Variants in NOD1 observed in about 807,000 individuals in gnomAD.
NOD1 encodes the protein nucleotide-binding oligomerization domain-containing protein 1.
A neutral mutation model predicts 81.2 loss-of-function variants in NOD1; 70 were observed. The observed-to-expected ratio is 0.86, with a 90% CI of 0.71 to 1.05. NOD1 has a LOEUF of 1.05. NOD1 is among the 50% of genes least tolerant of loss of function. The pLI is 0.00. For missense variants in NOD1, 1,233 were observed against 1,228.0 expected, an observed-to-expected ratio of 1.00 and a Z score of -0.06; for synonymous variants, 508 against 526.9, an observed-to-expected ratio of 0.96 and a Z score of 0.49.
intron 12 of NOD1, among the ~76,000 whole-genome samples, chr7:30,432,588 G>C (rs1784041410): frequency 2.0e-5 from 3 of 152,240 alleles, no homozygotes; most frequent in South Asian, 4.1e-4. Flanking sequence ...CTATTCCCAG[G>C]TATATTCCCA....
chr7:30,453,333 T>C (rs890519011), intron 5 of NOD1, among the ~76,000 whole-genome samples: 1 of 152,032 alleles, frequency 6.6e-6, no homozygotes, highest in Non-Finnish European at 1.5e-5. Flanking sequence ...CCCTTATTCC[T>C]CCGCACAGTG....
At chr7:30,474,664 C>T (rs1329183031) in intron 1 of NOD1, among the ~76,000 whole-genome samples, 1 of 152,242 alleles carries the variant, frequency 6.6e-6, no homozygotes, top group African/African-American at 2.4e-5. Context: ...GTAATGCTTG[C>T]TCACTGCTGC....
At chr7:30,431,609 G>C (rs908134524) in intron 12 of NOD1, among the ~76,000 whole-genome samples, 6 of 152,186 alleles carry the variant, frequency 3.9e-5, no homozygotes, top group African/African-American at 1.4e-4. Flanking sequence ...AAGAGAATGA[G>C]GTTAACCCTC....
rs764483548 is a variant in NOD1, at chr7:30,435,978, G to A, written c.2621+20C>T. The A allele has an allele frequency of 6.3e-7, 1 of 1,597,298 alleles. No individual in the cohort carries two copies. The highest frequency in any genetic ancestry group is 8.6e-7 in the Non-Finnish European group (1 of 1,164,798). ...ATCACAGAAAAACAAACAAACAAAT[G>A]AAATGACTCGAGCTATTACCACAGT... On this transcript the variant is annotated intron_variant, in intron 11 of 13. Transcript: ENST00000222823.
rs566615551 is a variant in NOD1, at chr7:30,470,392, G to C, written c.-352+8214C>G. 5.3e-5 allele frequency among the ~76,000 whole-genome samples: 8 copies of C among 152,364 alleles called. No individual in the cohort carries two copies. The South Asian group carries it at 1.7e-3, about 32-fold the overall frequency. On this transcript the variant is annotated intron_variant, in intron 1 of 13. Transcript: ENST00000222823. ...ACAAGGGAGGGCGACCATCTGGTGA[G>C]TCACCGTATCTCCAGCACATAGAGG...
chr7:30,426,813 C>G (rs906730254), intron 13 of NOD1, among the ~76,000 whole-genome samples: 8 of 152,070 alleles, frequency 5.3e-5, no homozygotes, highest in African/African-American at 1.9e-4. Context: ...TGCCCCAGAC[C>G]CTTTGCACAT....
chr7:30,472,455 G>A (rs1325351254), intron 1 of NOD1, among the ~76,000 whole-genome samples: 1 of 152,206 alleles, frequency 6.6e-6, no homozygotes, highest in African/African-American at 2.4e-5. Context: ...CTGATCTCCT[G>A]TCTCATGACA....
At chr7:30,435,297 G>A (rs376797118) in intron 11 of NOD1, among the ~76,000 whole-genome samples, 1 of 152,188 alleles carries the variant, frequency 6.6e-6, no homozygotes, top group South Asian at 2.1e-4. Flanking sequence ...GAAGACCTGG[G>A]GAAGGAGGAG....
intron 8 of NOD1, 121 bp from the exon 9 acceptor site, chr7:30,446,345 G>C (rs1785081812): frequency 2.6e-6 from 2 of 774,370 alleles, no homozygotes; most frequent in Non-Finnish European, 4.5e-6. Context: ...CTTTCTTCTG[G>C]GATCCACAAG....
chr7:30,478,201 C>G lies in NOD1; in HGVS notation c.-352+405G>C, dbSNP rs754740070. 6.6e-6 allele frequency among the ~76,000 whole-genome samples: 1 copy of G among 152,158 alleles called. No individual in the cohort carries two copies. Among genetic ancestry groups the G allele is most frequent in the Admixed American group, 6.5e-5 (1 of 15,270 alleles). ...GCCCTTCCAGCCTTTGCCACAAACC[C>G]TCGAACGCTGGCTGCACACTGGAAT... On this transcript the variant is annotated intron_variant, in intron 1 of 13. Transcript: ENST00000222823. The surrounding 1 kb of genome is among the most constrained non-coding windows in gnomAD (Gnocchi z 4.1).
Position 30,455,112 on chromosome 7 carries a change from C to T in NOD1, c.376+25G>A, listed in dbSNP as rs762594116. On this transcript the variant is annotated intron_variant, in intron 5 of 13. Coordinates refer to ENST00000222823, the MANE Select transcript of NOD1 (RefSeq NM_006092.4). Reference sequence around the variant, plus strand: ...AGGGCCCTGCTTGCACTGGTGCCTGCGGTCTTGCTGGGGCTGACTCCTACC... The same window carrying T: ...AGGGCCCTGCTTGCACTGGTGCCTGTGGTCTTGCTGGGGCTGACTCCTACC... 33 of 1,607,824 alleles carry T rather than the reference C, an allele frequency of 2.1e-5. No homozygotes were observed. The East Asian group carries it at 3.1e-4, about 15-fold the overall frequency.
Position 30,452,328 on chromosome 7 carries a change from C to T in NOD1, c.1089G>A (p.Arg363=), listed in dbSNP as rs572127302. 65 of 1,613,450 alleles carry T rather than the reference C, an allele frequency of 4.0e-5. No homozygotes were observed. Among genetic ancestry groups the T allele is most frequent in the Admixed American group, 1.5e-4 (9 of 60,032 alleles). The part of the protein sequence containing the change: ...SPSHLRAYAR[R]MFPERALQDR... Reference sequence around the variant, plus strand: ...CCTGCAGGGCCCGCTCGGGGAACATCCTCCTGGCATAGGCGCGCAGGTGGC... The same window carrying T: ...CCTGCAGGGCCCGCTCGGGGAACATTCTCCTGGCATAGGCGCGCAGGTGGC... The change falls in exon 6 of 14, where the codon AGG becomes AGA. Residue 363 remains arginine, a synonymous_variant. Transcript: ENST00000222823.
At chr7:30,432,943 G>T (rs1784068483) in intron 12 of NOD1, among the ~76,000 whole-genome samples, 153 bp downstream of exon 12, 1 of 152,162 alleles carries the variant, frequency 6.6e-6, no homozygotes, top group African/African-American at 2.4e-5. Context: ...GGGAGGAGGA[G>T]TGAAAATGTT....
rs1783329878 is a variant in NOD1 at position 30,425,038 on chromosome 7, CTTGACA to C, written c.*594_*599del. The C allele has an allele frequency of 1.3e-5, 2 of 152,584 alleles. No individual in the cohort carries two copies. The highest frequency in any genetic ancestry group is 6.5e-5 in the Admixed American group (1 of 15,304). The allele number at this position is 152,584 out of a possible 1,614,324, so 9.5% of individuals were successfully genotyped here. ...TTAAAAGCCCGTGGTGCATCCTTTC[CTTGACA>C]TTAACTTTCCACAAAACCTTGGAGG... On this transcript the variant is annotated 3_prime_UTR_variant, in exon 14 of 14. Transcript: ENST00000222823.
chr7:30,468,047 T>C (rs1407956037), intron 1 of NOD1, among the ~76,000 whole-genome samples: 1 of 152,160 alleles, frequency 6.6e-6, no homozygotes, highest in Admixed American at 6.5e-5. Flanking sequence ...CTTAGGGTAT[T>C]ACCATTAAGC....
chr7:30,433,616 C>G (rs1341198887), intron 11 of NOD1, among the ~76,000 whole-genome samples: 1 of 152,166 alleles, frequency 6.6e-6, no homozygotes, highest in Non-Finnish European at 1.5e-5. Flanking sequence ...AAAATGTGTT[C>G]AGTACTTTGC....
chr7:30,462,813 G>A (rs1055308230), intron 1 of NOD1, among the ~76,000 whole-genome samples: 2 of 152,026 alleles, frequency 1.3e-5, no homozygotes, highest in African/African-American at 2.4e-5. Flanking sequence ...GCAGGGCATC[G>A]TGGTGCACAC....
intron 1 of NOD1, among the ~76,000 whole-genome samples, chr7:30,476,233 T>C (rs1305790917): frequency 1.3e-5 from 2 of 152,252 alleles, no homozygotes; most frequent in Non-Finnish European, 2.9e-5. Context: ...ACTTTGATAG[T>C]CTTGTGTAAG....
rs1053993841 is a variant in NOD1 at position 30,478,780 on chromosome 7, G to A, written c.-526C>T. The A allele has an allele frequency of 1.3e-5, 2 of 152,234 alleles. No homozygotes were observed. The highest frequency in any genetic ancestry group is 2.9e-5 in the Non-Finnish European group (2 of 68,040). The allele number at this position is 152,234 out of a possible 1,614,324, so 9.4% of individuals were successfully genotyped here. A position where few individuals can be genotyped will look rare whatever the true frequency, so the allele number is the denominator to read the frequency against. On this transcript the variant is annotated 5_prime_UTR_variant, in exon 1 of 14. Transcript: ENST00000222823. This position sits in a 1 kb window ranked among gnomAD's most constrained non-coding sequence, Gnocchi z 4.1. ...CGGCTGCCTCGCGGGCCCGGAACGG[G>A]AACTGGCTGCGACTACAGCCGCAGC... is the stretch of plus-strand genomic sequence containing the variant.
Sources: gnomAD v4.1 joint callset for allele counts (sites outside exome capture counted in the v4.1 genomes callset) on GRCh38, gnomAD v4.1.1 for gene constraint, Gnocchi (gnomAD v3.1) non-coding constraint, MANE v1.5 for transcripts, NCBI Gene and HGNC (gene_info 2026-07-23, HGNC 2026-07-21) for gene names.